Variants in PRKCQ observed in about 807,000 individuals in gnomAD.
PRKCQ encodes protein kinase C theta type.
In PRKCQ, 41 loss-of-function variants were observed where a neutral mutation model predicts 91.2. The ratio of observed to expected loss-of-function variants is 0.45; its 90% CI spans 0.35 to 0.58. PRKCQ has a LOEUF of 0.58. PRKCQ is among the 20% of genes least tolerant of loss of function. The pLI, the probability that PRKCQ is intolerant of heterozygous loss-of-function variation, is 0.00. For synonymous variants in PRKCQ, 307 were observed against 316.9 expected (o/e 0.97, Z 0.33); for missense variants, 673 against 896.5 (o/e 0.75, Z 3.18).
chr10:6,571,939 A>G (rs1841062593), intron 1 of PRKCQ, among the ~76,000 whole-genome samples: 1 of 152,214 alleles, frequency 6.6e-6, no homozygotes, highest in East Asian at 1.9e-4. Flanking sequence ...AAAGAATACC[A>G]CCACATCAGA....
At chr10:6,477,727 G>T (rs1224801369) in intron 12 of PRKCQ, among the ~76,000 whole-genome samples, 1 of 152,182 alleles carries the variant, frequency 6.6e-6, no homozygotes. Flanking sequence ...AATTAGCTGA[G>T]TGTGGTGGTG....
chr10:6,399,024 G>A, the PRKCQ span, among the ~76,000 whole-genome samples: 9 of 152,136 alleles, frequency 5.9e-5, no homozygotes, highest in African/African-American at 2.2e-4. Context: ...GCCTCCCAAA[G>A]TGCTGAGATT....
At chr10:6,423,566 C>T (rs1833053734), downstream of PRKCQ, among the ~76,000 whole-genome samples, 1 of 152,180 alleles carries the variant, frequency 6.6e-6, no homozygotes. Context: ...GCCTGCAAGA[C>T]TCCCAGCACC....
At chr10:6,560,588 T>G (rs1436953302) in intron 1 of PRKCQ, among the ~76,000 whole-genome samples, 1 of 152,154 alleles carries the variant, frequency 6.6e-6, no homozygotes, top group Non-Finnish European at 1.5e-5. Context: ...CTATTCTAAT[T>G]TTTCTCCGTA....
intron 7 of PRKCQ, among the ~76,000 whole-genome samples, chr10:6,495,552 C>T (rs1215509489): frequency 6.6e-6 from 1 of 152,240 alleles, no homozygotes; most frequent in African/African-American, 2.4e-5. Flanking sequence ...CTCCACCTTG[C>T]ACCTTGTTCA....
intron 1 of PRKCQ, among the ~76,000 whole-genome samples, chr10:6,569,798 C>G (rs927424229): frequency 2.6e-5 from 4 of 152,012 alleles, no homozygotes; most frequent in Non-Finnish European, 5.9e-5. Context: ...CAGAAAAGAG[C>G]AGGAGGAGAA....
At chr10:6,464,466 C>A in intron 12 of PRKCQ, 62 bp from the exon 13 acceptor site, 8 of 1,428,942 alleles carry the variant, frequency 5.6e-6, no homozygotes, top group Non-Finnish European at 9.8e-7. Context: ...TTTATTTTGT[C>A]CAAGACAGGG....
the PRKCQ span, among the ~76,000 whole-genome samples, chr10:6,396,486 C>T: frequency 3.9e-5 from 6 of 152,340 alleles, no homozygotes; most frequent in Non-Finnish European, 7.3e-5. Flanking sequence ...CTTTCTGTCT[C>T]GATAGATTTG....
intron 1 of PRKCQ, among the ~76,000 whole-genome samples, chr10:6,537,841 G>A (rs1234860783): frequency 2.6e-5 from 4 of 152,194 alleles, no homozygotes; most frequent in Non-Finnish European, 5.9e-5. Flanking sequence ...GGGCTAGGGA[G>A]GGCAAGCTAA....
At chr10:6,462,579 A>G (rs538469890) in intron 13 of PRKCQ, among the ~76,000 whole-genome samples, 1 of 152,318 alleles carries the variant, frequency 6.6e-6, no homozygotes, top group East Asian at 1.9e-4. Context: ...TAACAGCATA[A>G]AACAGAGCTG....
At chr10:6,520,650 C>T (rs1838963508) in intron 1 of PRKCQ, among the ~76,000 whole-genome samples, 1 of 152,278 alleles carries the variant, frequency 6.6e-6, no homozygotes, top group East Asian at 1.9e-4. Context: ...CTTCCTTCCC[C>T]TCCTCTAGAG....
At chr10:6,411,004 T>A in the PRKCQ span, among the ~76,000 whole-genome samples, 1 of 147,784 alleles carries the variant, frequency 6.8e-6, no homozygotes, top group Non-Finnish European at 1.5e-5. Context: ...AAAAGGTCCA[T>A]TCCAAGATGC....
intron 1 of PRKCQ, among the ~76,000 whole-genome samples, chr10:6,579,735 T>C (rs1358519859): frequency 6.7e-6 from 1 of 150,122 alleles, no homozygotes; most frequent in African/African-American, 2.5e-5. Flanking sequence ...TTTAGAAGCC[T>C]GAGCAATGGC....
intron 16 of PRKCQ, among the ~76,000 whole-genome samples, chr10:6,432,578 A>C (rs1015095586): frequency 6.6e-6 from 1 of 152,150 alleles, no homozygotes; most frequent in Non-Finnish European, 1.5e-5. Flanking sequence ...TGCACGGTGG[A>C]AATAACACGA....
At chr10:6,404,601 CTCTT>C in the PRKCQ span, among the ~76,000 whole-genome samples, 14 of 135,010 alleles carry the variant, frequency 1.0e-4, no homozygotes, top group African/African-American at 1.4e-4. Flanking sequence ...TTTTCTCTCT[CTCTT>C]TCTCTCTTTC....
chr10:6,553,986 G>C (rs901095900), intron 1 of PRKCQ, among the ~76,000 whole-genome samples: 47 of 144,476 alleles, frequency 3.3e-4, no homozygotes, highest in Non-Finnish European at 4.4e-4. Context: ...AAAAAAAACA[G>C]AGTGTCGCAG....
At chr10:6,521,329 C>T (rs1838994549) in intron 1 of PRKCQ, among the ~76,000 whole-genome samples, 1 of 152,138 alleles carries the variant, frequency 6.6e-6, no homozygotes, top group South Asian at 2.1e-4. Context: ...ATACAATGGT[C>T]AAATTAAGTG....
chr10:6,509,805 TA>T (rs1838379435), intron 3 of PRKCQ, among the ~76,000 whole-genome samples: 2 of 152,118 alleles, frequency 1.3e-5, no homozygotes, highest in Admixed American at 6.5e-5. Flanking sequence ...GAGCACCTTT[TA>T]AAAAAAATCT....
chr10:6,510,953 T>C (rs1430086934), intron 3 of PRKCQ, 42 bp downstream of exon 3: 2 of 1,610,144 alleles, frequency 1.2e-6, no homozygotes, highest in South Asian at 2.2e-5. Flanking sequence ...TCGGCTACCA[T>C]CATGCTTATC....
Sources: allele counts gnomAD v4.1 joint callset (sites outside exome capture counted in the v4.1 genomes callset), GRCh38; gene constraint gnomAD v4.1.1; transcripts MANE v1.5; gene names NCBI Gene and HGNC (gene_info 2026-07-23, HGNC 2026-07-21).